RPA3: variants seen among roughly 807,000 people sequenced by gnomAD.
RPA3 encodes the protein replication protein A3, also known as replication protein A 14 kDa subunit.
Under a neutral mutation model 13.7 loss-of-function variants are expected in RPA3, and 24 were observed. That is an observed-to-expected ratio of 1.75 (90% CI 1.27 to 2.46). The LOEUF (loss-of-function observed/expected upper bound fraction) is 2.46, where lower values mean the gene tolerates loss of function less well. RPA3 is among the 30% of genes most tolerant of loss of function. RPA3 has a pLI of 0.00. For missense variants in RPA3, 183 were observed against 151.0 expected, an observed-to-expected ratio of 1.21 and a Z score of -1.11; for synonymous variants, 59 against 51.2, an observed-to-expected ratio of 1.15 and a Z score of -0.65.
intron 4 of RPA3, among the ~76,000 whole-genome samples, chr7:7,674,563 C>T (rs1779690514): frequency 6.6e-6 from 1 of 152,150 alleles, no homozygotes; most frequent in South Asian, 2.1e-4. Context: ...AGACCAGATC[C>T]CTTATACCTG....
At chr7:7,637,252 AG>A (rs1304373048) in intron 7 of RPA3, among the ~76,000 whole-genome samples, 170 bp from the exon 8 acceptor site, 4 of 152,214 alleles carry the variant, frequency 2.6e-5, no homozygotes, top group Non-Finnish European at 4.4e-5. Flanking sequence ...ACCAAAAAAA[AG>A]ACATGGGAGT....
chr7:7,666,753 T>C (rs952230789), intron 4 of RPA3, among the ~76,000 whole-genome samples: 7 of 152,158 alleles, frequency 4.6e-5, no homozygotes, highest in Admixed American at 1.3e-4. Context: ...TTATCAAATA[T>C]GTGATTTCCA....
rs1015792911 is a variant in RPA3 at position 7,687,313 on chromosome 7, G to A, written c.-1012C>T. 6.6e-6 allele frequency: 1 copy of A among 152,176 alleles called. No individual in the cohort carries two copies. Among genetic ancestry groups the A allele is most frequent in the African/African-American group, 2.4e-5 (1 of 41,440 alleles). The allele number at this position is 152,176 out of a possible 1,614,324, so 9.4% of individuals were successfully genotyped here. On this transcript the variant is annotated 5_prime_UTR_variant, in exon 3 of 8. Coordinates refer to ENST00000223129, the MANE Select transcript of RPA3 (RefSeq NM_002947.5). Reference sequence around the variant, plus strand: ...ATTGTTGCAGGAGATGAAGCAAAAGGAAACTGTACACAGATCTGCACTGAC... The same window carrying A: ...ATTGTTGCAGGAGATGAAGCAAAAGAAAACTGTACACAGATCTGCACTGAC...
At chr7:7,665,297 A>G (rs1289692876) in intron 4 of RPA3, among the ~76,000 whole-genome samples, 4 of 152,228 alleles carry the variant, frequency 2.6e-5, no homozygotes, top group South Asian at 4.1e-4. Flanking sequence ...CTGCTAAGCA[A>G]TTAGGCAGGC....
In RPA3 at chr7:7,639,125, AT is replaced by A. The variant is rs1784911455; in HGVS notation, c.118del (p.Met40CysfsTer16). The A allele has an allele frequency of 2.5e-6, 4 of 1,611,474 alleles. No individual in the cohort carries two copies. Among genetic ancestry groups the A allele is most frequent in the Non-Finnish European group, 2.5e-6 (3 of 1,179,158 alleles). On this transcript the variant is annotated frameshift_variant, in exon 6 of 8. Coordinates refer to ENST00000223129, the MANE Select transcript of RPA3 (RefSeq NM_002947.5). LOFTEE classifies it high-confidence loss of function. ...RLEKIHPTGK[M>X]FILSDGEGKN... ...TCCTTCTCCATCTGAAAGAATAAAC[AT>A]TTTTCCGGTGGGATGAATCTAAAAA...
chr7:7,664,742 TC>T (rs1383783712), intron 4 of RPA3, among the ~76,000 whole-genome samples: 1 of 152,240 alleles, frequency 6.6e-6, no homozygotes, highest in African/African-American at 2.4e-5. Flanking sequence ...TTTTATGCTT[TC>T]TAGCGTTGTT....
chr7:7,655,290 T>C (rs746288862), intron 4 of RPA3, among the ~76,000 whole-genome samples: 7 of 152,236 alleles, frequency 4.6e-5, no homozygotes, highest in Non-Finnish European at 1.0e-4. Context: ...GTATTGCGTT[T>C]AAGGATTTCA....
intron 2 of RPA3, among the ~76,000 whole-genome samples, chr7:7,707,618 AAAGAC>A (rs1780638590): frequency 2.6e-5 from 4 of 152,306 alleles, no homozygotes; most frequent in Admixed American, 2.6e-4. Flanking sequence ...ACAAATAATA[AAAGAC>A]TAAATGATAT....
intron 4 of RPA3, among the ~76,000 whole-genome samples, chr7:7,643,874 T>A (rs534955018): frequency 1.7e-4 from 26 of 152,186 alleles, no homozygotes; most frequent in Non-Finnish European, 3.1e-4. Context: ...ATTCCTGCTC[T>A]GGAACTTGCC....
rs28916312 is a variant in RPA3 at position 7,637,565 on chromosome 7, C to T, written c.283+299G>A. Among the ~76,000 whole-genome samples the T allele has an allele frequency of 9.6e-3, 1,463 of 151,714 alleles. 29 individuals are homozygous for T. The highest frequency in any genetic ancestry group is 0.034 in the African/African-American group (1,405 of 41,372). On this transcript the variant is annotated intron_variant, in intron 7 of 7. Coordinates refer to ENST00000223129, the MANE Select transcript of RPA3 (RefSeq NM_002947.5). ...AAACTCTAGACCAATATATATCAAA[C>T]TAAAAATAAAACTGTTTTCCTGTAT... is the stretch of plus-strand genomic sequence containing the variant.
chr7:7,705,227 G>A (rs1780568806), intron 2 of RPA3, among the ~76,000 whole-genome samples: 1 of 152,178 alleles, frequency 6.6e-6, no homozygotes, highest in African/African-American at 2.4e-5. Context: ...CAAGATGATT[G>A]TAACGAAGTT....
intron 4 of RPA3, among the ~76,000 whole-genome samples, chr7:7,651,970 C>T (rs985447853): frequency 1.1e-4 from 17 of 152,146 alleles, no homozygotes; most frequent in African/African-American, 3.6e-4. Context: ...CCCTCTCTCC[C>T]CTTGCAAGAG....
At chr7:7,674,417 C>T (rs564995386) in intron 4 of RPA3, among the ~76,000 whole-genome samples, 1 of 152,282 alleles carries the variant, frequency 6.6e-6, no homozygotes, top group South Asian at 2.1e-4. Context: ...GAGTTTTTCT[C>T]GTGGATAAAC....
chr7:7,640,326 C>T lies in RPA3; in HGVS notation c.93G>A (p.Leu31=). 1 of 1,613,996 alleles carries T rather than the reference C, an allele frequency of 6.2e-7. No homozygotes were observed. Among genetic ancestry groups the T allele is most frequent in the Non-Finnish European group, 8.5e-7 (1 of 1,179,938 alleles). The part of the protein sequence containing the change: ...IDKPVCFVGR[L]EKIHPTGKMF... ...TGATTGCGAACCCGCACACCTTTTC[C>T]AGCCTCCCTACGAAGCAGACAGGCT... Residue 31 remains leucine (L), a synonymous_variant, in exon 5 of 8, where the codon CTG becomes CTA. Coordinates refer to ENST00000223129, the MANE Select transcript of RPA3 (RefSeq NM_002947.5).
At chr7:7,676,267 C>T (rs1373022556) in intron 4 of RPA3, 4 of 398,012 alleles carry the variant, frequency 1.0e-5, no homozygotes, top group Middle Eastern at 6.3e-4. Flanking sequence ...GATATCGGTA[C>T]CTACCCCATG....
At chr7:7,694,228 CTTTTTA>C (rs982403679) in intron 2 of RPA3, among the ~76,000 whole-genome samples, 61 of 151,990 alleles carry the variant, frequency 4.0e-4, no homozygotes, top group African/African-American at 1.4e-3. Flanking sequence ...TTATTGGTAA[CTTTTTA>C]TTTTTAATTT....
At chr7:7,659,840 A>C (rs552306733) in intron 4 of RPA3, among the ~76,000 whole-genome samples, 1 of 152,284 alleles carries the variant, frequency 6.6e-6, no homozygotes, top group South Asian at 2.1e-4. Flanking sequence ...AGCCAAGTTC[A>C]AGTCCTGAAT....
intron 4 of RPA3, among the ~76,000 whole-genome samples, chr7:7,649,519 A>G (rs1380972639): frequency 2.0e-5 from 3 of 152,190 alleles, no homozygotes; most frequent in African/African-American, 4.8e-5. Context: ...TATTCAAACC[A>G]CAGCAGGATT....
chr7:7,707,578 G>A (rs1354507577), intron 2 of RPA3, among the ~76,000 whole-genome samples: 1 of 152,100 alleles, frequency 6.6e-6, no homozygotes, highest in Non-Finnish European at 1.5e-5. Context: ...TACTTATTAA[G>A]TAGAATGCAT....
Sources: allele counts gnomAD v4.1 joint callset (sites outside exome capture counted in the v4.1 genomes callset), GRCh38; gene constraint gnomAD v4.1.1; transcripts MANE v1.5; gene names NCBI Gene and HGNC (gene_info 2026-07-23, HGNC 2026-07-21).